The following OLFM4 variants were observed in gnomAD, a reference collection of about 807,000 sequenced individuals.
OLFM4 encodes the protein olfactomedin 4, also known as olfactomedin-4.
In OLFM4, 22 loss-of-function variants were observed where a neutral mutation model predicts 25.5. The ratio of observed to expected loss-of-function variants is 0.86; its 90% CI spans 0.62 to 1.23. The LOEUF is 1.23. OLFM4 is among the 50% of genes most tolerant of loss of function. The pLI, the probability that OLFM4 is intolerant of heterozygous loss-of-function variation, is 0.00. For synonymous variants in OLFM4, 255 were observed against 237.7 expected, an observed-to-expected ratio of 1.07 and a Z score of -0.67; for missense variants, 594 against 619.4, an observed-to-expected ratio of 0.96 and a Z score of 0.44.
At chr13:53,049,852 A>G in intron 4 of OLFM4, 117 bp from the exon 5 acceptor site, 1 of 1,112,796 alleles carries the variant, frequency 9.0e-7, no homozygotes, top group Non-Finnish European at 1.3e-6. Flanking sequence ...CACTGTTGTT[A>G]TTGAACCTTG....
chr13:53,045,832 A>G (rs956379547), intron 4 of OLFM4, among the ~76,000 whole-genome samples: 4 of 152,166 alleles, frequency 2.6e-5, no homozygotes, highest in Non-Finnish European at 5.9e-5. Flanking sequence ...TTTCTAATCT[A>G]AAATAATTGG....
At chr13:53,029,508 G>A (rs1954617543) in intron 1 of OLFM4, among the ~76,000 whole-genome samples, 1 of 152,172 alleles carries the variant, frequency 6.6e-6, no homozygotes, top group East Asian at 1.9e-4. Context: ...TTGCTGCCTG[G>A]CAGGATCCCG....
chr13:53,029,840 G>A (rs868828519), intron 1 of OLFM4, among the ~76,000 whole-genome samples: 12 of 152,186 alleles, frequency 7.9e-5, no homozygotes, highest in African/African-American at 1.2e-4. Flanking sequence ...AGCCAGTTCC[G>A]TGGGGGATGA....
intron 4 of OLFM4, among the ~76,000 whole-genome samples, chr13:53,048,627 C>T (rs1954728100): frequency 6.6e-6 from 1 of 152,164 alleles, no homozygotes; most frequent in Non-Finnish European, 1.5e-5. Flanking sequence ...AGGCTTTGCT[C>T]CCCCTTCCCC....
chr13:53,029,824 A>G (rs1278829517), intron 1 of OLFM4, among the ~76,000 whole-genome samples: 1 of 152,230 alleles, frequency 6.6e-6, no homozygotes, highest in Non-Finnish European at 1.5e-5. Flanking sequence ...CATTGAAGGC[A>G]TAGTAAGCCA....
chr13:53,039,453 T>A (rs1954676419), intron 2 of OLFM4, among the ~76,000 whole-genome samples: 1 of 152,094 alleles, frequency 6.6e-6, no homozygotes, highest in Admixed American at 6.5e-5. Flanking sequence ...AAACTCAGAT[T>A]GAAAAATTTC....
rs144343096 is a variant in OLFM4, at chr13:53,050,274, G to C, written c.1036G>C (p.Gly346Arg). 90 of 1,613,898 alleles carry C rather than the reference G, an allele frequency of 5.6e-5. No individual in the cohort carries two copies. In the East Asian group the frequency reaches 1.8e-3, roughly 33 times the overall value. ...CATGTACGTCAACATGTACAACACC[G>C]GGAATATTGCCAGAGTTAACCTGAC... ...NNMYVNMYNT[G>R]NIARVNLTTN... Residue 346 changes from glycine to arginine, a missense_variant, in exon 5 of 5, where the codon GGG becomes CGG. Transcript: ENST00000219022.
Position 53,050,838 on chromosome 13 carries a change from A to T in OLFM4, c.*67A>T. On this transcript the variant is annotated 3_prime_UTR_variant, in exon 5 of 5. Coordinates refer to ENST00000219022, the MANE Select transcript of OLFM4 (RefSeq NM_006418.5). The stretch of plus-strand genomic sequence containing the variant: ...AAAATAGTCTTCTCCACTTACTTAG[A>T]TATCTGCAGGGGTGTCTAAAAGTGT... 2 of 1,366,362 alleles carry T rather than the reference A, an allele frequency of 1.5e-6. No homozygotes were observed. The highest frequency in any genetic ancestry group is 2.0e-6 in the Non-Finnish European group (2 of 1,004,864). The allele number at this position is 1,366,362 out of a possible 1,614,324, so 84.6% of individuals were successfully genotyped here.
rs1954614493 is a variant in OLFM4 at position 53,029,087 on chromosome 13, T to C, written c.204+47T>C. The C allele has an allele frequency of 1.9e-6, 3 of 1,606,168 alleles. No individual in the cohort carries two copies. In the Admixed American group the frequency reaches 5.0e-5, roughly 27 times the overall value. On this transcript the variant is annotated intron_variant, in intron 1 of 4. Transcript: ENST00000219022. Reference sequence around the variant, plus strand: ...AATGAGCTGCATTCATTCCCTTCCATTTGCTTTTGGGTACCTGAATACAAT... The same window carrying C: ...AATGAGCTGCATTCATTCCCTTCCACTTGCTTTTGGGTACCTGAATACAAT...
chr13:53,041,534 C>A (rs761617361), intron 2 of OLFM4, among the ~76,000 whole-genome samples: 1 of 152,038 alleles, frequency 6.6e-6, no homozygotes, highest in Non-Finnish European at 1.5e-5. Context: ...AGGTTTAGTA[C>A]CTGCGAGACA....
chr13:53,031,025 A>G (rs7999481), intron 1 of OLFM4, among the ~76,000 whole-genome samples: 101,038 of 152,060 alleles, frequency 0.66, 34,664 homozygotes, highest in East Asian at 0.85. Flanking sequence ...AAGATTATCA[A>G]CTATAATAAT....
chr13:53,043,011 G>T (rs1295607380), intron 3 of OLFM4, 94 bp from the exon 4 acceptor site: 6 of 939,642 alleles, frequency 6.4e-6, no homozygotes, highest in South Asian at 1.8e-5. Flanking sequence ...GTATTCTCTG[G>T]CAATGTTTCA....
At chr13:53,047,330 TG>T (rs568323429) in intron 4 of OLFM4, among the ~76,000 whole-genome samples, 75 of 152,210 alleles carry the variant, frequency 4.9e-4, no homozygotes, top group African/African-American at 1.7e-3. Context: ...TGAGGAACAG[TG>T]GGCACTGGAC....
At chr13:53,041,813 A>G (rs1162245388) in intron 2 of OLFM4, 97 bp from the exon 3 acceptor site, 1 of 753,292 alleles carries the variant, frequency 1.3e-6, no homozygotes, top group Non-Finnish European at 2.3e-6. Flanking sequence ...AATGATTGGC[A>G]AGAATCAAAT....
chr13:53,037,350 T>C (rs564893752), intron 2 of OLFM4, among the ~76,000 whole-genome samples: 1 of 152,312 alleles, frequency 6.6e-6, no homozygotes, highest in Non-Finnish European at 1.5e-5. Context: ...AGTTATTTAA[T>C]ATGACACATT....
rs1159313502 is a variant in OLFM4 at position 53,049,954 on chromosome 13, T to C, written c.731-15T>C. 6.4e-7 allele frequency: 1 copy of C among 1,564,926 alleles called. No homozygotes were observed. The highest frequency in any genetic ancestry group is 8.7e-7 in the Non-Finnish European group (1 of 1,154,580). On this transcript the variant is annotated splice_polypyrimidine_tract_variant and intron_variant, in intron 4 of 4. Transcript: ENST00000219022. ...TTTTCTCTAAAAATGCCTTTTTATTTTCTTGTTTGTATAGGGAGCTGTGGT... is the reference window on the plus strand; with the variant it reads ...TTTTCTCTAAAAATGCCTTTTTATTCTCTTGTTTGTATAGGGAGCTGTGGT...
chr13:53,036,357 C>A (rs1023182311), intron 2 of OLFM4, among the ~76,000 whole-genome samples: 7 of 152,154 alleles, frequency 4.6e-5, no homozygotes, highest in Admixed American at 2.0e-4. Context: ...AGGTAAAGAT[C>A]TTTTCAGTTA....
rs1954745302 is a variant in OLFM4 at position 53,050,953 on chromosome 13, C to T, written c.*182C>T. 3 of 578,164 alleles carry T rather than the reference C, an allele frequency of 5.2e-6. No homozygotes were observed. The highest frequency in any genetic ancestry group is 3.8e-5 in the African/African-American group (2 of 53,084). 35.8% of individuals were successfully genotyped at this position (578,164 alleles called of 1,614,324 possible). A position where few individuals can be genotyped will look rare whatever the true frequency, so the allele number is the denominator to read the frequency against. The stretch of plus-strand genomic sequence containing the variant: ...TGATTTGGTGAGTTCTCTTGGGAAT[C>T]ATCTGCCTCTTCAGGCGCATTTTGC... On this transcript the variant is annotated 3_prime_UTR_variant, in exon 5 of 5. Transcript: ENST00000219022.
intron 2 of OLFM4, among the ~76,000 whole-genome samples, chr13:53,039,914 G>C (rs73480913): frequency 0.044 from 6,734 of 152,114 alleles, 499 homozygotes; most frequent in African/African-American, 0.15. Context: ...TGGTCTATGA[G>C]TCTACTTTAA....
Sources: allele counts gnomAD v4.1 joint callset (sites outside exome capture counted in the v4.1 genomes callset), GRCh38; gene constraint gnomAD v4.1.1; transcripts MANE v1.5; gene names NCBI Gene and HGNC (gene_info 2026-07-23, HGNC 2026-07-21).